SLC12A9: variants seen among roughly 807,000 people sequenced by gnomAD.
SLC12A9 encodes CCC-interacting protein 1.
SLC12A9 carries 55 observed loss-of-function variants against 66.0 expected under a neutral mutation model. The ratio of observed to expected loss-of-function variants is 0.83; its 90% CI spans 0.67 to 1.04. The LOEUF is 1.04. SLC12A9 is among the 50% of genes least tolerant of loss of function. The pLI, the probability that SLC12A9 is intolerant of heterozygous loss-of-function variation, is 0.00. For missense variants in SLC12A9, 1,061 were observed against 1,241.9 expected, an observed-to-expected ratio of 0.85 and a Z score of 2.19; for synonymous variants, 577 against 569.0, an observed-to-expected ratio of 1.01 and a Z score of -0.20.
chr7:100,848,499 AAAATAAAT>A (rs56099726), upstream of SLC12A9, among the ~76,000 whole-genome samples: 74 of 145,700 alleles, frequency 5.1e-4, no homozygotes, highest in African/African-American at 1.3e-3. Context: ...CCAAGTCTCA[AAAATAAAT>A]AAATAAATAA....
chr7:100,860,357 C>T, intron 9 of SLC12A9, 125 bp downstream of exon 9: 1 of 969,770 alleles, frequency 1.0e-6, no homozygotes, highest in Non-Finnish European at 1.5e-6. Flanking sequence ...GTTGCACTGG[C>T]ACTCTGCAGG....
At chr7:100,839,487 C>T (rs893648625) in intron 1 of SLC12A9, among the ~76,000 whole-genome samples, 4 of 152,194 alleles carry the variant, frequency 2.6e-5, no homozygotes, top group Admixed American at 1.3e-4. Flanking sequence ...GATGGGGAAG[C>T]GAGGTGAATG....
At position 100,861,071 on chromosome 7, in the gene SLC12A9, G is replaced by A. The variant is rs1192401064; in HGVS notation, c.1219-67G>A. ...TTGGGGTACACTGGCATTCTTTGGT[G>A]TTCACTGGCATTTTGGGGGTGCACT... is the stretch of plus-strand genomic sequence containing the variant. On this transcript the variant is annotated intron_variant, in intron 9 of 13. Coordinates refer to ENST00000354161, the MANE Select transcript of SLC12A9 (RefSeq NM_020246.4). The surrounding 1 kb of genome is among the most constrained non-coding windows in gnomAD (Gnocchi z 5.3). 6.2e-7 allele frequency: 1 copy of A among 1,612,896 alleles called. No individual in the cohort carries two copies. The highest frequency in any genetic ancestry group is 8.5e-7 in the Non-Finnish European group (1 of 1,179,816).
intron 1 of SLC12A9, among the ~76,000 whole-genome samples, chr7:100,840,773 G>A (rs545402221): frequency 5.5e-4 from 84 of 152,106 alleles, no homozygotes; most frequent in African/African-American, 1.8e-3. Context: ...AAAAAAAGGT[G>A]TACCCTATTC....
At position 100,858,951 on chromosome 7, in the gene SLC12A9, C is replaced by G. The variant is rs2116614509; in HGVS notation, c.865+9C>G. ...TGGGGCCAACATGTCAGGTGAGAGT[C>G]CCTGCCTGCTGCCTCCTGGGGGTTT... On this transcript the variant is annotated intron_variant, in intron 6 of 13. Coordinates refer to ENST00000354161, the MANE Select transcript of SLC12A9 (RefSeq NM_020246.4). 1.2e-6 allele frequency: 2 copies of G among 1,613,880 alleles called. No individual in the cohort carries two copies. Among genetic ancestry groups the G allele is most frequent in the African/African-American group, 2.7e-5 (2 of 75,044 alleles).
intron 1 of SLC12A9, among the ~76,000 whole-genome samples, chr7:100,844,024 C>T (rs568618448): frequency 1.6e-4 from 25 of 152,298 alleles, no homozygotes; most frequent in African/African-American, 6.0e-4. Flanking sequence ...TCCAGTCACA[C>T]CCGGAAGCTG....
chr7:100,850,255 CTT>C (rs1814032484), upstream of SLC12A9, among the ~76,000 whole-genome samples: 1 of 125,102 alleles, frequency 8.0e-6, no homozygotes, highest in Admixed American at 8.0e-5. Flanking sequence ...CCTTTTCTTT[CTT>C]TCTTTTTTTT....
At chr7:100,838,913 T>C (rs181857516) in intron 1 of SLC12A9, among the ~76,000 whole-genome samples, 121 of 152,250 alleles carry the variant, frequency 7.9e-4, no homozygotes, top group African/African-American at 2.7e-3. Flanking sequence ...AAAATGCTTA[T>C]CCTGTTTTGT....
At chr7:100,847,235 A>T (rs1813938339) in intron 1 of SLC12A9, among the ~76,000 whole-genome samples, 1 of 152,228 alleles carries the variant, frequency 6.6e-6, no homozygotes, top group Non-Finnish European at 1.5e-5. Flanking sequence ...CCTGACCTCA[A>T]GTGATCCACC....
At position 100,854,219 on chromosome 7, in the gene SLC12A9, C is replaced by G; in HGVS notation, c.22C>G (p.Leu8Val). The change falls in exon 2 of 14, where the codon CTG becomes GTG. Residue 8 changes from leucine to valine, a missense_variant. Coordinates refer to ENST00000354161, the MANE Select transcript of SLC12A9 (RefSeq NM_020246.4). ...AGCCATGGCCAGCGAGAGCTCACCT[C>G]TGCTGGCCTACCGGCTCCTGGGGGA... Reference protein sequence around the residue: MASESSPLLAYRLLGEEG... With the variant: MASESSPVLAYRLLGEEG... The G allele has an allele frequency of 1.3e-6, 2 of 1,573,912 alleles. No homozygotes were observed. Among genetic ancestry groups the G allele is most frequent in the Non-Finnish European group, 1.7e-6 (2 of 1,169,576 alleles).
rs746664749 is a variant in SLC12A9 at position 100,860,191 on chromosome 7, A to G, written c.1177A>G (p.Asn393Asp). The G allele has an allele frequency of 6.2e-7, 1 of 1,614,180 alleles. No individual in the cohort carries two copies. The highest frequency in any genetic ancestry group is 8.5e-7 in the Non-Finnish European group (1 of 1,180,024). ...GGCCAAGGTTGTGTCCCGAGGGGGA[A>G]ACCCCTGGGCAGCTGTACTTTATTC... ...APAKVVSRGG[N>D]PWAAVLYSWG... Residue 393 changes from asparagine (N) to aspartate (D), a missense_variant, in exon 9 of 14, where the codon AAC becomes GAC. By Grantham distance (23) the Asn-to-Asp change is conservative. Coordinates refer to ENST00000354161, the MANE Select transcript of SLC12A9 (RefSeq NM_020246.4).
At chr7:100,865,561 T>C (rs1815024905) in intron 13 of SLC12A9, 158 bp from the exon 14 acceptor site, 6 of 1,582,966 alleles carry the variant, frequency 3.8e-6, no homozygotes, top group Non-Finnish European at 5.2e-6. Flanking sequence ...GAAAAGTCTT[T>C]ATGCAAATAT....
At position 100,861,549 on chromosome 7, in the gene SLC12A9, T is replaced by C; in HGVS notation, c.1501T>C (p.Trp501Arg). The change falls in exon 11 of 14, where the codon TGG (tryptophan) becomes CGG (arginine). Residue 501 changes from tryptophan (W) to arginine (R), a missense_variant. Coordinates refer to ENST00000354161, the MANE Select transcript of SLC12A9 (RefSeq NM_020246.4). This position sits in a 1 kb window ranked among gnomAD's most constrained non-coding sequence, Gnocchi z 5.3. ...LLTARGGPSSWGYVSQALLFH... is the reference protein window; with the variant it reads ...LLTARGGPSSRGYVSQALLFH... ...CACCGCGCGAGGAGGCCCCAGTAGC[T>C]GGGGCTATGTCAGCCAGGCCTTGCT... is the stretch of plus-strand genomic sequence containing the variant. 1 of 1,613,694 alleles carries C rather than the reference T, an allele frequency of 6.2e-7. No individual in the cohort carries two copies. The highest frequency in any genetic ancestry group is 8.5e-7 in the Non-Finnish European group (1 of 1,180,000).
chr7:100,865,228 G>C, intron 13 of SLC12A9: 2 of 1,533,536 alleles, frequency 1.3e-6, no homozygotes, highest in East Asian at 2.4e-5. Flanking sequence ...AAGATGCTGC[G>C]ATTACAGGTG....
chr7:100,830,048 T>C (rs1448466268), intron 1 of SLC12A9, among the ~76,000 whole-genome samples: 1 of 135,944 alleles, frequency 7.4e-6, no homozygotes, highest in African/African-American at 2.8e-5. Context: ...ATAAAGTAAA[T>C]AAATAAGTAA....
intron 1 of SLC12A9, among the ~76,000 whole-genome samples, chr7:100,838,281 C>T (rs1298117143): frequency 1.3e-5 from 2 of 152,118 alleles, no homozygotes; most frequent in East Asian, 3.8e-4. Context: ...GAGTATAGCA[C>T]CCAGCCATGT....
In SLC12A9 at chr7:100,859,036, C is replaced by T. The variant is rs898574762; in HGVS notation, c.866-14C>T. The stretch of plus-strand genomic sequence containing the variant: ...TGGAGGGCTGACCTCACTCCCTCTG[C>T]TCCCCCTCTCCAGGGGAGCTGAAGG... On this transcript the variant is annotated splice_polypyrimidine_tract_variant and intron_variant, in intron 6 of 13. Coordinates refer to ENST00000354161, the MANE Select transcript of SLC12A9 (RefSeq NM_020246.4). The T allele has an allele frequency of 4.3e-6, 7 of 1,612,740 alleles. No homozygotes were observed. The Admixed American group carries it at 1.2e-4, about 27-fold the overall frequency.
At chr7:100,859,840 C>A in intron 7 of SLC12A9, 45 bp from the exon 8 acceptor site, 4 of 1,564,258 alleles carry the variant, frequency 2.6e-6, no homozygotes, top group Admixed American at 1.8e-5. Flanking sequence ...ATTTTCTTAC[C>A]CCGTGACGCA....
chr7:100,832,587 T>C (rs1709634223), intron 1 of SLC12A9, among the ~76,000 whole-genome samples: 1 of 152,124 alleles, frequency 6.6e-6, no homozygotes, highest in Non-Finnish European at 1.5e-5. Flanking sequence ...AATCATCATA[T>C]GAAGAGATGG....
Sources: gnomAD v4.1 joint callset for allele counts (sites outside exome capture counted in the v4.1 genomes callset) on GRCh38, gnomAD v4.1.1 for gene constraint, Gnocchi (gnomAD v3.1) non-coding constraint, MANE v1.5 for transcripts, NCBI Gene and HGNC (gene_info 2026-07-23, HGNC 2026-07-21) for gene names.